DLG2: variants seen among roughly 807,000 people sequenced by gnomAD.
DLG2 encodes disks large homolog 2.
Under a neutral mutation model 132.5 loss-of-function variants are expected in DLG2, and 45 were observed. That is an observed-to-expected ratio of 0.34 (90% CI 0.27 to 0.44). DLG2 has a LOEUF of 0.44. DLG2 is among the 20% of genes least tolerant of loss of function. The pLI, the probability that DLG2 is intolerant of heterozygous loss-of-function variation, is 1.00. For missense variants in DLG2, 1,045 were observed against 1,196.9 expected (o/e 0.87, Z 1.87); for synonymous variants, 424 against 419.6 (o/e 1.01, Z -0.13).
chr11:85,206,616 G>A (rs1465385755), intron 4 of DLG2, among the ~76,000 whole-genome samples: 1 of 152,046 alleles, frequency 6.6e-6, no homozygotes, highest in African/African-American at 2.4e-5. Context: ...AAATAAAATG[G>A]GAAATCTCCT....
intron 3 of DLG2, among the ~76,000 whole-genome samples, chr11:85,433,263 A>G (rs7122822): frequency 0.88 from 133,633 of 152,168 alleles, 59,190 homozygotes; most frequent in Non-Finnish European, 0.92. Context: ...ATCAACTAGT[A>G]TACAAAATAA....
chr11:85,373,842 A>G (rs1191954684), intron 3 of DLG2, among the ~76,000 whole-genome samples: 2 of 152,226 alleles, frequency 1.3e-5, no homozygotes, highest in Non-Finnish European at 2.9e-5. Context: ...GTCCTGCAAC[A>G]TAATGACTGG....
intron 4 of DLG2, among the ~76,000 whole-genome samples, chr11:85,164,523 A>G (rs901773739): frequency 6.6e-6 from 1 of 152,204 alleles, no homozygotes; most frequent in African/African-American, 2.4e-5. Context: ...TTATGCTCTC[A>G]TAGAAATAGT....
At chr11:83,527,548 A>AG (rs2095637697) in intron 21 of DLG2, among the ~76,000 whole-genome samples, 1 of 144,698 alleles carries the variant, frequency 6.9e-6, no homozygotes. Context: ...TTGTCTCTAC[A>AG]ATTTTTTTTT....
chr11:84,300,143 C>T (rs1384243049), intron 7 of DLG2, among the ~76,000 whole-genome samples: 1 of 152,018 alleles, frequency 6.6e-6, no homozygotes. Flanking sequence ...TGTAAACATA[C>T]TAAAATAGGA....
chr11:83,524,858 C>A (rs17521492), intron 21 of DLG2, among the ~76,000 whole-genome samples: 2 of 152,200 alleles, frequency 1.3e-5, no homozygotes, highest in South Asian at 4.1e-4. Context: ...TCATTTTGAA[C>A]GATATCTCTT....
intron 7 of DLG2, among the ~76,000 whole-genome samples, chr11:84,440,473 A>G (rs1364823554): frequency 1.3e-5 from 2 of 152,214 alleles, no homozygotes; most frequent in Non-Finnish European, 2.9e-5. Context: ...CCATATTTAT[A>G]CAACCATCTT....
rs74404094 is a variant in DLG2, at chr11:84,237,565, A to G, written c.573+13673T>C. On this transcript the variant is annotated intron_variant, in intron 8 of 27. Coordinates refer to ENST00000376104, the MANE Select transcript of DLG2 (RefSeq NM_001142699.3). ...ACATCATTTAGGGCACTTGGTAGAAATTAGGATAATCAAAATGCATTTCCA... is the reference window on the plus strand; with the variant it reads ...ACATCATTTAGGGCACTTGGTAGAAGTTAGGATAATCAAAATGCATTTCCA... 1.1e-3 allele frequency among the ~76,000 whole-genome samples: 170 copies of G among 152,322 alleles called. No homozygotes were observed. In the East Asian group the frequency reaches 0.026, roughly 23 times the overall value.
At chr11:85,478,079 C>T (rs972904486) in intron 3 of DLG2, among the ~76,000 whole-genome samples, 3 of 152,072 alleles carry the variant, frequency 2.0e-5, no homozygotes, top group South Asian at 2.1e-4. Context: ...GGGATCATAG[C>T]TCACTGCAGC....
intron 18 of DLG2, among the ~76,000 whole-genome samples, chr11:83,745,699 T>C (rs944333088): frequency 1.3e-5 from 2 of 151,806 alleles, no homozygotes; most frequent in Admixed American, 6.6e-5. Flanking sequence ...CTACTCAGGA[T>C]GCTGAGATAG....
intron 21 of DLG2, among the ~76,000 whole-genome samples, chr11:83,522,856 A>G (rs1378664725): frequency 7.0e-6 from 1 of 143,386 alleles, no homozygotes; most frequent in Admixed American, 7.4e-5. Flanking sequence ...AGGTATTTTT[A>G]TAAATATTAA....
chr11:84,064,028 C>A (rs866375164), intron 10 of DLG2, among the ~76,000 whole-genome samples: 2 of 152,106 alleles, frequency 1.3e-5, no homozygotes, highest in Admixed American at 1.3e-4. Context: ...TGAGTTAATG[C>A]ATACAGCACA....
chr11:85,517,306 A>C (rs2094188422), intron 3 of DLG2, among the ~76,000 whole-genome samples: 1 of 152,176 alleles, frequency 6.6e-6, no homozygotes, highest in South Asian at 2.1e-4. Context: ...GCCATATATG[A>C]TGAACCTATA....
At chr11:83,790,246 T>C in intron 17 of DLG2, 1 of 910,110 alleles carries the variant, frequency 1.1e-6, no homozygotes, top group Non-Finnish European at 1.8e-6. Flanking sequence ...CATTTGGCTG[T>C]TCATAAAAGC....
chr11:85,130,617 T>C (rs1372910238), intron 5 of DLG2, among the ~76,000 whole-genome samples: 1 of 152,218 alleles, frequency 6.6e-6, no homozygotes, highest in Admixed American at 6.5e-5. Context: ...ATAAAGCTTC[T>C]GTAAAGCAAT....
chr11:84,810,386 C>T (rs753914458), intron 6 of DLG2, among the ~76,000 whole-genome samples: 108 of 152,176 alleles, frequency 7.1e-4, no homozygotes, highest in Non-Finnish European at 1.2e-3. Context: ...TTTCAAGACA[C>T]ATAACAGCCA....
intron 3 of DLG2, among the ~76,000 whole-genome samples, chr11:85,539,361 T>C (rs192350563): frequency 7.9e-5 from 12 of 152,330 alleles, no homozygotes; most frequent in Admixed American, 7.8e-4. Flanking sequence ...TTTGATTAAA[T>C]GAATTGTTAT....
chr11:84,297,669 T>G (rs1305957177), intron 7 of DLG2, among the ~76,000 whole-genome samples: 1 of 152,080 alleles, frequency 6.6e-6, no homozygotes. Flanking sequence ...CATCATCTCA[T>G]GTCTTTGTTT....
chr11:85,520,030 G>C (rs887218191), intron 3 of DLG2, among the ~76,000 whole-genome samples: 1 of 150,262 alleles, frequency 6.7e-6, no homozygotes, highest in Non-Finnish European at 1.5e-5. Context: ...GTGGACTAAT[G>C]CACCTGGCTA....
Sources: gnomAD v4.1 joint callset for allele counts (sites outside exome capture counted in the v4.1 genomes callset) on GRCh38, gnomAD v4.1.1 for gene constraint, MANE v1.5 for transcripts, NCBI Gene and HGNC (gene_info 2026-07-23, HGNC 2026-07-21) for gene names.